ANO6: variants seen among roughly 807,000 people sequenced by gnomAD.
The protein encoded by ANO6 is anoctamin 6.
A neutral mutation model predicts 117.5 loss-of-function variants in ANO6; 106 were observed. That is an observed-to-expected ratio of 0.90 (90% CI 0.77 to 1.06). The LOEUF (loss-of-function observed/expected upper bound fraction) is 1.06. ANO6 is among the 50% of genes least tolerant of loss of function. The pLI, the probability that ANO6 is intolerant of heterozygous loss-of-function variation, is 0.00. For missense variants in ANO6, 955 were observed against 1,121.1 expected, an observed-to-expected ratio of 0.85 and a Z score of 2.12; for synonymous variants, 367 against 385.1, an observed-to-expected ratio of 0.95 and a Z score of 0.55.
At chr12:45,315,795 T>G (rs920701592) in intron 2 of ANO6, among the ~76,000 whole-genome samples, 1 of 152,070 alleles carries the variant, frequency 6.6e-6, no homozygotes, top group Non-Finnish European at 1.5e-5. Context: ...TCTCAGCCGC[T>G]CAAGCCAGAA....
At chr12:45,348,441 T>C (rs1941200334) in intron 5 of ANO6, 77 bp from the exon 6 acceptor site, 2 of 1,544,044 alleles carry the variant, frequency 1.3e-6, no homozygotes, top group Admixed American at 1.7e-5. Flanking sequence ...AGCAGATTTG[T>C]GTTACAGTAG....
chr12:45,303,554 G>A (rs1013328675), intron 2 of ANO6, among the ~76,000 whole-genome samples: 1 of 152,202 alleles, frequency 6.6e-6, no homozygotes, highest in African/African-American at 2.4e-5. Context: ...TTCCCTATGT[G>A]AAAATAAAAG....
chr12:45,250,880 C>T (rs1478048165), intron 1 of ANO6, among the ~76,000 whole-genome samples: 1 of 151,820 alleles, frequency 6.6e-6, no homozygotes, highest in Non-Finnish European at 1.5e-5. Flanking sequence ...GCATGTGTCA[C>T]CACACCTGGC....
chr12:45,250,204 C>T (rs1316024603), intron 1 of ANO6, among the ~76,000 whole-genome samples: 1 of 152,178 alleles, frequency 6.6e-6, no homozygotes, highest in Non-Finnish European at 1.5e-5. Context: ...AGATGTTTCA[C>T]ATGAAATGGG....
In ANO6 at chr12:45,432,092, T is replaced by G; in HGVS notation, c.*2781T>G. 1 of 985,438 alleles carries G rather than the reference T, an allele frequency of 1.0e-6. No individual in the cohort carries two copies. Among genetic ancestry groups the G allele is most frequent in the Non-Finnish European group, 1.2e-6 (1 of 829,934 alleles). The allele number at this position is 985,438 out of a possible 1,614,324, so 61.0% of individuals were successfully genotyped here. ...CATTAATTCACAATGGGGGTCAGAATGTACTCTTGTTGAAACACTTCTTGT... is the reference window on the plus strand; with the variant it reads ...CATTAATTCACAATGGGGGTCAGAAGGTACTCTTGTTGAAACACTTCTTGT... On this transcript the variant is annotated 3_prime_UTR_variant, in exon 20 of 20. Coordinates refer to ENST00000320560, the MANE Select transcript of ANO6 (RefSeq NM_001025356.3).
intron 12 of ANO6, among the ~76,000 whole-genome samples, chr12:45,399,174 AG>A (rs1370674784): frequency 6.6e-6 from 1 of 152,014 alleles, no homozygotes; most frequent in Non-Finnish European, 1.5e-5. Flanking sequence ...TTCCAAGCCA[AG>A]GGAGGTTTTT....
Position 45,297,228 on chromosome 12 carries a change from T to A in ANO6, c.71-4786T>A, listed in dbSNP as rs145040688. Among the ~76,000 whole-genome samples, 86 of 152,302 alleles carry A rather than the reference T, an allele frequency of 5.6e-4. 1 individual carries two copies. The South Asian group carries it at 0.012, about 22-fold the overall frequency. On this transcript the variant is annotated intron_variant, in intron 1 of 19. Coordinates refer to ENST00000320560, the MANE Select transcript of ANO6 (RefSeq NM_001025356.3). ...TAATTTTAATGGCAACCAATCCCTG[T>A]AACAGATGAGTCATTGGACCCAACC...
Position 45,430,384 on chromosome 12 carries a change from G to C in ANO6, c.*1073G>C. ...GTGCCCTCATTGTGGTCATTGGGTGGGGAGTGCCTTTTGTCAAGGAGTCTG... is the reference window on the plus strand; with the variant it reads ...GTGCCCTCATTGTGGTCATTGGGTGCGGAGTGCCTTTTGTCAAGGAGTCTG... On this transcript the variant is annotated 3_prime_UTR_variant, in exon 20 of 20. Transcript: ENST00000320560. 1.0e-6 allele frequency: 1 copy of C among 985,382 alleles called. No individual in the cohort carries two copies. The allele number at this position is 985,382 out of a possible 1,614,324, so 61.0% of individuals were successfully genotyped here.
chr12:45,390,596 G>GCT lies in ANO6; in HGVS notation c.1386+99_1386+100dup, dbSNP rs1204059190. The GCT allele has an allele frequency of 4.6e-6, 5 of 1,078,410 alleles. No individual in the cohort carries two copies. In the East Asian group the frequency reaches 1.0e-4, roughly 22 times the overall value. 66.8% of individuals were successfully genotyped at this position (1,078,410 alleles called of 1,614,324 possible). ...ATTTTAAATGTTGAGGAAACTAAAT[G>GCT]CTGAGCCTGGAAACTATATGGTCTC... On this transcript the variant is annotated intron_variant, in intron 12 of 19. Transcript: ENST00000320560.
rs1943031528 is a variant in ANO6, at chr12:45,409,474, A to G, written c.1998A>G (p.Glu666=). The change falls in exon 16 of 20, where the codon GAA becomes GAG. Residue 666 remains glutamate (E), a synonymous_variant. Transcript: ENST00000320560. ...TGGGCAAACTGGGATTATTTTATGA[A>G]TATCTTGAAATGAGTAAGTTGTTAG... ...QPMGKLGLFY[E]YLEMIIQFGF... 6.2e-7 allele frequency: 1 copy of G among 1,613,792 alleles called. No homozygotes were observed. The highest frequency in any genetic ancestry group is 8.5e-7 in the Non-Finnish European group (1 of 1,179,856).
chr12:45,439,503 A>C (rs1199615872), intron 19 of ANO6, among the ~76,000 whole-genome samples: 1 of 152,200 alleles, frequency 6.6e-6, no homozygotes, highest in African/African-American at 2.4e-5. Flanking sequence ...CCATGGGAGA[A>C]TGGTAAAAGG....
chr12:45,270,926 A>G (rs1938375525), intron 1 of ANO6, among the ~76,000 whole-genome samples: 1 of 151,926 alleles, frequency 6.6e-6, no homozygotes, highest in Non-Finnish European at 1.5e-5. Flanking sequence ...TGCTATGTTG[A>G]CCTGGCTGGT....
rs78414836 is a variant in ANO6 at position 45,382,256 on chromosome 12, A to C, written c.1165+4143A>C. Reference sequence around the variant, plus strand: ...AGTTTAGTCTCCTTGGTTCTACCTCATGTGACACAGGTGCAGACCCTTCTT... The same window carrying C: ...AGTTTAGTCTCCTTGGTTCTACCTCCTGTGACACAGGTGCAGACCCTTCTT... On this transcript the variant is annotated intron_variant, in intron 10 of 19. Transcript: ENST00000320560. Among the ~76,000 whole-genome samples, 57 of 152,310 alleles carry C rather than the reference A, an allele frequency of 3.7e-4. No homozygotes were observed. In the East Asian group the frequency reaches 9.8e-3, roughly 26 times the overall value.
intron 1 of ANO6, among the ~76,000 whole-genome samples, chr12:45,245,162 A>G (rs1051771121): frequency 2.6e-5 from 4 of 152,082 alleles, no homozygotes; most frequent in African/African-American, 7.2e-5. Context: ...TCCTGAAACC[A>G]CCTTTGTGGA....
chr12:45,261,694 G>C (rs770951601), intron 1 of ANO6, among the ~76,000 whole-genome samples: 4 of 152,202 alleles, frequency 2.6e-5, no homozygotes, highest in Non-Finnish European at 4.4e-5. Flanking sequence ...AGGTGTTGCA[G>C]ACTGGCTCAT....
chr12:45,427,366 G>A (rs971391028), intron 19 of ANO6, among the ~76,000 whole-genome samples: 3 of 151,976 alleles, frequency 2.0e-5, no homozygotes, highest in African/African-American at 4.8e-5. Context: ...CACCTGCTCC[G>A]CACCATCCTT....
chr12:45,246,798 T>C (rs951617299), intron 1 of ANO6, among the ~76,000 whole-genome samples: 1 of 147,272 alleles, frequency 6.8e-6, no homozygotes, highest in African/African-American at 2.5e-5. Flanking sequence ...AGGGTCTCAC[T>C]GTGTTACCCA....
At chr12:45,349,470 A>G (rs183234982) in intron 6 of ANO6, among the ~76,000 whole-genome samples, 7 of 152,356 alleles carry the variant, frequency 4.6e-5, no homozygotes, top group Non-Finnish European at 1.0e-4. Flanking sequence ...CAGGGACATT[A>G]TAACTAAAGC....
rs4108249 is a variant in ANO6, at chr12:45,350,619, C to T, written c.748-40C>T. The T allele has an allele frequency of 7.0e-3, 10,589 of 1,504,744 alleles. 447 individuals carry two copies. The African/African-American group carries it at 0.11, about 15-fold the overall frequency. 93.2% of individuals were successfully genotyped at this position (1,504,744 alleles called of 1,614,324 possible). ...TTTAAGAAGCAGATTTGTGAAAACA[C>T]GATGATTATGGTGCTTACATGTTCC... On this transcript the variant is annotated intron_variant, in intron 6 of 19. Transcript: ENST00000320560.
Sources: gnomAD v4.1 joint callset for allele counts (sites outside exome capture counted in the v4.1 genomes callset) on GRCh38, gnomAD v4.1.1 for gene constraint, MANE v1.5 for transcripts, NCBI Gene and HGNC (gene_info 2026-07-23, HGNC 2026-07-21) for gene names.